CTNND2: variants seen among roughly 807,000 people sequenced by gnomAD.
CTNND2 encodes catenin delta-2.
CTNND2 carries 22 observed loss-of-function variants against 144.4 expected under a neutral mutation model. The observed-to-expected ratio is 0.15, with a 90% confidence interval of 0.11 to 0.22. CTNND2 has a LOEUF of 0.22. CTNND2 is among the 10% of genes least tolerant of loss of function. The probability of loss-of-function intolerance (pLI) is 1.00; values close to 1 mark genes in which losing one functional copy is unlikely to be tolerated. For missense variants in CTNND2, 1,353 were observed against 1,618.8 expected, an observed-to-expected ratio of 0.84 and a Z score of 2.82; for synonymous variants, 751 against 695.6, an observed-to-expected ratio of 1.08 and a Z score of -1.25.
chr5:11,535,834 A>G (rs1774163982), intron 3 of CTNND2, among the ~76,000 whole-genome samples: 1 of 152,232 alleles, frequency 6.6e-6, no homozygotes, highest in Non-Finnish European at 1.5e-5. Context: ...TCTGCTACTT[A>G]CAACTAATCA....
chr5:11,496,189 A>G (rs1336456469), intron 3 of CTNND2, among the ~76,000 whole-genome samples: 1 of 152,184 alleles, frequency 6.6e-6, no homozygotes, highest in East Asian at 1.9e-4. Flanking sequence ...AAGTGCATTC[A>G]TCTATTGCTG....
chr5:11,901,209 G>A lies in CTNND2; in HGVS notation c.37+2608C>T, dbSNP rs575612297. 5.9e-5 allele frequency among the ~76,000 whole-genome samples: 9 copies of A among 152,144 alleles called. No homozygotes were observed. The East Asian group carries it at 1.5e-3, about 26-fold the overall frequency. ...ATGAAATTACTCTGAAAACCCCTTC[G>A]ACAAGTCCACACAAATTCATACCAC... is the stretch of plus-strand genomic sequence containing the variant. On this transcript the variant is annotated intron_variant, in intron 1 of 21. Coordinates refer to ENST00000304623, the MANE Select transcript of CTNND2 (RefSeq NM_001332.4).
intron 3 of CTNND2, among the ~76,000 whole-genome samples, chr5:11,464,623 T>G (rs1002204696): frequency 6.6e-6 from 1 of 152,144 alleles, no homozygotes; most frequent in African/African-American, 2.4e-5. Flanking sequence ...CTGATACTTA[T>G]GCTGAGAACA....
intron 11 of CTNND2, among the ~76,000 whole-genome samples, chr5:11,167,249 T>C (rs1308871767): frequency 6.6e-6 from 1 of 152,234 alleles, no homozygotes; most frequent in Non-Finnish European, 1.5e-5. Context: ...CCGTAAACTC[T>C]CATTCTACAG....
At chr5:11,776,738 T>C (rs1790276568) in intron 1 of CTNND2, among the ~76,000 whole-genome samples, 2 of 152,158 alleles carry the variant, frequency 1.3e-5, no homozygotes, top group Admixed American at 6.5e-5. Context: ...ATCCCCAAGT[T>C]ATTCATCTAG....
chr5:11,473,321 G>C (rs1010447427), intron 3 of CTNND2, among the ~76,000 whole-genome samples: 1 of 152,170 alleles, frequency 6.6e-6, no homozygotes, highest in African/African-American at 2.4e-5. Flanking sequence ...GTGGCTGGCA[G>C]TATCTTCTAG....
intron 3 of CTNND2, among the ~76,000 whole-genome samples, chr5:11,448,807 T>C (rs931763836): frequency 6.6e-6 from 1 of 152,170 alleles, no homozygotes; most frequent in Non-Finnish European, 1.5e-5. Context: ...AAGCTGGAAC[T>C]ATAGGCGTGC....
chr5:11,804,207 C>T (rs979663195), intron 1 of CTNND2, among the ~76,000 whole-genome samples: 3 of 152,188 alleles, frequency 2.0e-5, no homozygotes, highest in Non-Finnish European at 4.4e-5. Context: ...GTAACAGTTA[C>T]TGTCGAGGAT....
At chr5:11,888,035 C>G (rs1049682693) in intron 1 of CTNND2, among the ~76,000 whole-genome samples, 2 of 152,164 alleles carry the variant, frequency 1.3e-5, no homozygotes, top group African/African-American at 4.8e-5. Flanking sequence ...TGCTTTCAAC[C>G]TGGTATTACC....
Position 11,273,938 on chromosome 5 carries a change from T to G in CTNND2, c.1629-37115A>C, listed in dbSNP as rs558460104. Among the ~76,000 whole-genome samples, 26 of 152,298 alleles carry G rather than the reference T, an allele frequency of 1.7e-4. No homozygotes were observed. The South Asian group carries it at 5.4e-3, about 32-fold the overall frequency. On this transcript the variant is annotated intron_variant, in intron 9 of 21. Coordinates refer to ENST00000304623, the MANE Select transcript of CTNND2 (RefSeq NM_001332.4). ...AGTTTAGCACTGGAAAAACACAATT[T>G]GAATGAATATATAGATTTCCTGGGG...
intron 8 of CTNND2, among the ~76,000 whole-genome samples, chr5:11,362,253 C>A (rs1203699107): frequency 6.6e-6 from 1 of 152,114 alleles, no homozygotes; most frequent in Non-Finnish European, 1.5e-5. Context: ...ATCCTTACTT[C>A]TTTGTAATCT....
intron 2 of CTNND2, among the ~76,000 whole-genome samples, chr5:11,651,545 C>T (rs1022143728): frequency 6.6e-6 from 1 of 152,178 alleles, no homozygotes; most frequent in Admixed American, 6.5e-5. Context: ...AATGGTAGAT[C>T]CACTGACAGC....
intron 2 of CTNND2, among the ~76,000 whole-genome samples, chr5:11,669,242 T>C (rs1010166176): frequency 1.3e-5 from 2 of 152,214 alleles, no homozygotes; most frequent in Non-Finnish European, 2.9e-5. Context: ...GGTGTGTCTC[T>C]GCCAGGTTTT....
intron 10 of CTNND2, among the ~76,000 whole-genome samples, chr5:11,208,426 T>A (rs867673700): frequency 6.6e-6 from 1 of 152,128 alleles, no homozygotes; most frequent in African/African-American, 2.4e-5. Flanking sequence ...GATGAACATA[T>A]TCTAAAGCAC....
chr5:11,865,906 A>AAAAAAAAAAAAAAC lies in CTNND2; in HGVS notation c.37+37910_37+37911insGTTTTTTTTTTTTT, dbSNP rs1256495724. Among the ~76,000 whole-genome samples the AAAAAAAAAAAAAAC allele has an allele frequency of 5.4e-5, 8 of 149,376 alleles. No homozygotes were observed. In the South Asian group the frequency reaches 1.7e-3, roughly 32 times the overall value. On this transcript the variant is annotated intron_variant, in intron 1 of 21. Coordinates refer to ENST00000304623, the MANE Select transcript of CTNND2 (RefSeq NM_001332.4). ...ACCTTTAGAAGCTGGAAGAGACAAA[A>AAAAAAAAAAAAAAC]AAAAAAAAACGAGTTCTCCTCTAGA...
intron 3 of CTNND2, among the ~76,000 whole-genome samples, chr5:11,454,599 C>T (rs40285): frequency 0.14 from 21,445 of 151,124 alleles, 4,859 homozygotes; most frequent in African/African-American, 0.48. Flanking sequence ...AGTTTTTTTT[C>T]CTTTTTTTTT....
At chr5:11,800,009 T>C (rs1791594532) in intron 1 of CTNND2, among the ~76,000 whole-genome samples, 1 of 152,208 alleles carries the variant, frequency 6.6e-6, no homozygotes, top group Non-Finnish European at 1.5e-5. Flanking sequence ...GCTGCCCATT[T>C]AGCCACTTAC....
At chr5:11,807,238 TC>T (rs1438249019) in intron 1 of CTNND2, among the ~76,000 whole-genome samples, 3 of 152,164 alleles carry the variant, frequency 2.0e-5, no homozygotes, top group African/African-American at 7.2e-5. Context: ...TTTGTGTTTT[TC>T]CCCTTGGTTA....
chr5:11,295,571 G>C (rs1396601827), intron 9 of CTNND2, among the ~76,000 whole-genome samples: 1 of 152,154 alleles, frequency 6.6e-6, no homozygotes, highest in African/African-American at 2.4e-5. Flanking sequence ...CACGCTACCT[G>C]ACTTCAAAAT....
Sources: gnomAD v4.1 joint callset for allele counts (sites outside exome capture counted in the v4.1 genomes callset) on GRCh38, gnomAD v4.1.1 for gene constraint, MANE v1.5 for transcripts, NCBI Gene and HGNC (gene_info 2026-07-23, HGNC 2026-07-21) for gene names.